Variants in MAPKAP1 observed in about 807,000 individuals in gnomAD.
MAPKAP1 encodes target of rapamycin complex 2 subunit MAPKAP1.
A neutral mutation model predicts 65.7 loss-of-function variants in MAPKAP1; 20 were observed. That is an observed-to-expected ratio of 0.30 (90% CI 0.21 to 0.44). The LOEUF is 0.44. Among genes scored for constraint, MAPKAP1 ranks in the 20% least tolerant of loss-of-function variants. The probability of loss-of-function intolerance (pLI) is 1.00; values close to 1 mark genes in which losing one functional copy is unlikely to be tolerated. For missense variants in MAPKAP1, 423 were observed against 648.0 expected, an observed-to-expected ratio of 0.65 and a Z score of 3.77; for synonymous variants, 222 against 244.3, an observed-to-expected ratio of 0.91 and a Z score of 0.85.
chr9:125,611,443 T>C (rs1206654161), intron 4 of MAPKAP1, among the ~76,000 whole-genome samples: 1 of 152,068 alleles, frequency 6.6e-6, no homozygotes, highest in African/African-American at 2.4e-5. Flanking sequence ...AAGGATAAAA[T>C]AACACATTCT....
At chr9:125,573,110 G>C (rs1029669504) in intron 5 of MAPKAP1, 1 of 98,058 alleles carries the variant, frequency 1.0e-5, no homozygotes. Flanking sequence ...GGGGGGGGGG[G>C]GGACATGAGA....
At chr9:125,516,394 G>A (rs1205380508) in intron 7 of MAPKAP1, among the ~76,000 whole-genome samples, 1 of 152,192 alleles carries the variant, frequency 6.6e-6, no homozygotes, top group Non-Finnish European at 1.5e-5. Flanking sequence ...AGCATGTTAA[G>A]GACACCAGAC....
At chr9:125,605,524 C>CA (rs1832415558) in intron 4 of MAPKAP1, among the ~76,000 whole-genome samples, 1 of 152,268 alleles carries the variant, frequency 6.6e-6, no homozygotes, top group Admixed American at 6.5e-5. Flanking sequence ...TAGTCTAAAA[C>CA]AGACACTTTG....
chr9:125,682,919 G>C (rs1834864627), intron 1 of MAPKAP1, among the ~76,000 whole-genome samples: 1 of 151,568 alleles, frequency 6.6e-6, no homozygotes, highest in Non-Finnish European at 1.5e-5. Flanking sequence ...TGCCTTCATG[G>C]ATCTTCTGAG....
Position 125,438,673 on chromosome 9 carries a change from C to T in MAPKAP1, c.*214G>A, listed in dbSNP as rs1852373313. On this transcript the variant is annotated 3_prime_UTR_variant, in exon 12 of 12. Coordinates refer to ENST00000265960, the MANE Select transcript of MAPKAP1 (RefSeq NM_001006617.3). ...GACCCCCAAGCATCGCTTATCAAAGCCACTGCCAAGCAGACTTCCGTCCCA... is the reference window on the plus strand; with the variant it reads ...GACCCCCAAGCATCGCTTATCAAAGTCACTGCCAAGCAGACTTCCGTCCCA... The T allele has an allele frequency of 3.6e-6, 2 of 556,794 alleles. No individual in the cohort carries two copies. Among genetic ancestry groups the T allele is most frequent in the Non-Finnish European group, 6.2e-6 (2 of 322,546 alleles). 34.5% of individuals were successfully genotyped at this position (556,794 alleles called of 1,614,324 possible).
chr9:125,587,322 T>C (rs1055342620), intron 4 of MAPKAP1, among the ~76,000 whole-genome samples: 6 of 152,206 alleles, frequency 3.9e-5, no homozygotes, highest in Non-Finnish European at 8.8e-5. Flanking sequence ...TCCCAGTACT[T>C]TGAGAGGCCA....
intron 2 of MAPKAP1, 87 bp from the exon 3 acceptor site, chr9:125,669,994 G>T: frequency 2.6e-6 from 2 of 770,830 alleles, no homozygotes; most frequent in Middle Eastern, 5.9e-4. Flanking sequence ...CATGAATAAA[G>T]ATGTTTTATA....
intron 10 of MAPKAP1, among the ~76,000 whole-genome samples, chr9:125,465,492 A>C (rs1397231652): frequency 9.9e-5 from 15 of 152,260 alleles, no homozygotes; most frequent in Admixed American, 9.8e-4. Context: ...AATTTGATGA[A>C]GATACTGGAA....
chr9:125,680,946 T>C (rs541340605), intron 1 of MAPKAP1, among the ~76,000 whole-genome samples: 61 of 152,320 alleles, frequency 4.0e-4, no homozygotes, highest in African/African-American at 1.4e-3. Context: ...GAAACACAAG[T>C]GAAACAGTAA....
intron 1 of MAPKAP1, among the ~76,000 whole-genome samples, chr9:125,698,257 T>A (rs1252904499): frequency 5.1e-5 from 6 of 117,408 alleles, no homozygotes; most frequent in African/African-American, 1.8e-4. Context: ...AATATATAAT[T>A]TATAAATATA....
chr9:125,661,428 C>T (rs111680106), intron 3 of MAPKAP1, among the ~76,000 whole-genome samples: 2,117 of 152,238 alleles, frequency 0.014, 19 homozygotes, highest in South Asian at 0.041. Context: ...CATCCCTCAC[C>T]GGGGCATGGG....
rs1406706618 is a variant in MAPKAP1, at chr9:125,544,155, C to T, written c.849-987G>A. Among the ~76,000 whole-genome samples, 3 of 152,044 alleles carry T rather than the reference C, an allele frequency of 2.0e-5. No individual in the cohort carries two copies. In the South Asian group the frequency reaches 6.2e-4, roughly 32 times the overall value. The stretch of plus-strand genomic sequence containing the variant: ...CCTCTCCAGGAGCTGAGATTACAGG[C>T]GCCTGCCACCGTGCCTGGCTAATTT... On this transcript the variant is annotated intron_variant, in intron 6 of 11. Coordinates refer to ENST00000265960, the MANE Select transcript of MAPKAP1 (RefSeq NM_001006617.3).
chr9:125,450,715 T>C (rs1411163249), intron 10 of MAPKAP1, among the ~76,000 whole-genome samples: 2 of 152,234 alleles, frequency 1.3e-5, no homozygotes, highest in Non-Finnish European at 2.9e-5. Flanking sequence ...TGATGTCTTC[T>C]GGGCCCTCTG....
At chr9:125,696,547 T>G (rs1835391505) in intron 1 of MAPKAP1, 1 of 152,128 alleles carries the variant, frequency 6.6e-6, no homozygotes, top group Admixed American at 6.6e-5. Flanking sequence ...ATAAATGACC[T>G]TAACCTTGTT....
intron 9 of MAPKAP1, among the ~76,000 whole-genome samples, chr9:125,479,993 G>A (rs546157219): frequency 1.2e-4 from 18 of 152,310 alleles, no homozygotes; most frequent in African/African-American, 4.3e-4. Flanking sequence ...TTATTTACTC[G>A]TCTCAAAATC....
chr9:125,532,178 A>G (rs1829952168), intron 7 of MAPKAP1, among the ~76,000 whole-genome samples: 1 of 152,208 alleles, frequency 6.6e-6, no homozygotes, highest in Non-Finnish European at 1.5e-5. Flanking sequence ...AATACATACA[A>G]GTGTGCACAC....
intron 4 of MAPKAP1, among the ~76,000 whole-genome samples, chr9:125,604,851 G>A (rs988329101): frequency 7.9e-5 from 12 of 152,110 alleles, no homozygotes; most frequent in African/African-American, 2.9e-4. Flanking sequence ...GTCATCTCTT[G>A]AACAAGTCAA....
Position 125,531,881 on chromosome 9 carries a change from A to G in MAPKAP1, c.958+11178T>C, listed in dbSNP as rs151119930. Among the ~76,000 whole-genome samples the G allele has an allele frequency of 3.3e-5, 5 of 152,306 alleles. No homozygotes were observed. In the East Asian group the frequency reaches 9.6e-4, roughly 29 times the overall value. On this transcript the variant is annotated intron_variant, in intron 7 of 11. Coordinates refer to ENST00000265960, the MANE Select transcript of MAPKAP1 (RefSeq NM_001006617.3). The stretch of plus-strand genomic sequence containing the variant: ...CATACATAGCATTAACTGAAGCTCA[A>G]TATTTGTTTAAGATTTTCTTTTTAC...
At chr9:125,458,820 G>A (rs569496320) in intron 10 of MAPKAP1, among the ~76,000 whole-genome samples, 1 of 133,288 alleles carries the variant, frequency 7.5e-6, no homozygotes, top group Non-Finnish European at 1.6e-5. Context: ...TCACCTCCCG[G>A]ACGGGGCGGC....
Sources: gnomAD v4.1 joint callset for allele counts (sites outside exome capture counted in the v4.1 genomes callset) on GRCh38, gnomAD v4.1.1 for gene constraint, MANE v1.5 for transcripts, NCBI Gene and HGNC (gene_info 2026-07-23, HGNC 2026-07-21) for gene names.